NMNAT2: variants seen among roughly 807,000 people sequenced by gnomAD.
The protein encoded by NMNAT2 is nicotinamide nucleotide adenylyltransferase 2.
Under a neutral mutation model 41.6 loss-of-function variants are expected in NMNAT2, and 11 were observed. The ratio of observed to expected loss-of-function variants is 0.26; its 90% confidence interval spans 0.17 to 0.44. The LOEUF (loss-of-function observed/expected upper bound fraction) is 0.44. NMNAT2 is among the 20% of genes least tolerant of loss of function. The probability of loss-of-function intolerance (pLI) is 1.00; values close to 1 mark genes in which losing one functional copy is unlikely to be tolerated. For missense variants in NMNAT2, 288 were observed against 407.7 expected (o/e 0.71, Z 2.53); for synonymous variants, 148 against 151.2 (o/e 0.98, Z 0.16).
chr1:183,342,785 G>A (rs915104865), intron 1 of NMNAT2, among the ~76,000 whole-genome samples: 1 of 151,962 alleles, frequency 6.6e-6, no homozygotes, highest in Admixed American at 6.5e-5. Context: ...CCAGGCTGGA[G>A]TGCAGTGGGG....
At chr1:183,284,312 G>A (rs1571572689) in intron 6 of NMNAT2, among the ~76,000 whole-genome samples, 3 of 152,326 alleles carry the variant, frequency 2.0e-5, no homozygotes, top group South Asian at 4.1e-4. Context: ...ACACACACAC[G>A]CTCATGCTGA....
chr1:183,408,039 A>G (rs1649009034), intron 1 of NMNAT2, among the ~76,000 whole-genome samples: 1 of 152,230 alleles, frequency 6.6e-6, no homozygotes, highest in African/African-American at 2.4e-5. Flanking sequence ...TTGAAACTAC[A>G]TTTGCTGCTT....
At chr1:183,386,990 T>A (rs751505157) in intron 1 of NMNAT2, among the ~76,000 whole-genome samples, 12 of 152,032 alleles carry the variant, frequency 7.9e-5, no homozygotes, top group Non-Finnish European at 1.8e-4. Flanking sequence ...AAATTCAGTT[T>A]AATGACAACA....
chr1:183,410,194 G>A (rs998630831), intron 1 of NMNAT2, among the ~76,000 whole-genome samples: 11 of 151,524 alleles, frequency 7.3e-5, no homozygotes, highest in Non-Finnish European at 1.3e-4. Context: ...ATGATGGCGG[G>A]TGCCTGTAGT....
intron 1 of NMNAT2, among the ~76,000 whole-genome samples, chr1:183,346,323 CTT>C (rs1243884287): frequency 3.3e-5 from 5 of 152,208 alleles, no homozygotes; most frequent in Non-Finnish European, 7.3e-5. Flanking sequence ...CTTCCAGCCT[CTT>C]GCTCTTCGAT....
At chr1:183,277,887 G>C (rs12404011) in intron 8 of NMNAT2, among the ~76,000 whole-genome samples, 15,439 of 152,178 alleles carry the variant, frequency 0.1, 897 homozygotes, top group East Asian at 0.2. Context: ...AATGTGCATA[G>C]AGCTATGGGG....
At chr1:183,333,724 G>A (rs781426484) in intron 1 of NMNAT2, among the ~76,000 whole-genome samples, 1 of 151,240 alleles carries the variant, frequency 6.6e-6, no homozygotes, top group African/African-American at 2.5e-5. Context: ...AATAGGAAAC[G>A]AATACACTTT....
At chr1:183,266,599 C>G (rs1660822386) in intron 8 of NMNAT2, 1 of 154,998 alleles carries the variant, frequency 6.5e-6, no homozygotes, top group African/African-American at 2.4e-5. Flanking sequence ...AAAACACCAG[C>G]TATATGTTCC....
intron 1 of NMNAT2, among the ~76,000 whole-genome samples, chr1:183,329,398 T>C (rs1662533694): frequency 6.6e-6 from 1 of 152,188 alleles, no homozygotes; most frequent in Non-Finnish European, 1.5e-5. Context: ...TTAGGTAAAA[T>C]GGTCCATTTT....
chr1:183,401,902 T>A (rs1253366217), intron 1 of NMNAT2, among the ~76,000 whole-genome samples: 1 of 111,072 alleles, frequency 9.0e-6, no homozygotes, highest in Admixed American at 1.3e-4. Flanking sequence ...ACATCACACA[T>A]GACATGGGGG....
intron 7 of NMNAT2, among the ~76,000 whole-genome samples, chr1:183,281,696 G>A (rs1372795936): frequency 1.3e-5 from 2 of 152,214 alleles, no homozygotes; most frequent in African/African-American, 4.8e-5. Flanking sequence ...ATGAGGCTAA[G>A]GCAAGTTTCC....
At chr1:183,339,594 C>T (rs1033048637) in intron 1 of NMNAT2, among the ~76,000 whole-genome samples, 13 of 151,746 alleles carry the variant, frequency 8.6e-5, no homozygotes, top group East Asian at 8.1e-4. Context: ...CCAGTGTCCT[C>T]GTTTAAAGTT....
intron 1 of NMNAT2, among the ~76,000 whole-genome samples, chr1:183,409,569 G>T (rs1484752942): frequency 6.6e-6 from 1 of 152,000 alleles, no homozygotes; most frequent in Non-Finnish European, 1.5e-5. Flanking sequence ...CTCCCACCTC[G>T]GCCTCCCAAA....
chr1:183,410,205 C>G (rs1173946129), intron 1 of NMNAT2, among the ~76,000 whole-genome samples: 3 of 151,340 alleles, frequency 2.0e-5, no homozygotes, highest in African/African-American at 7.3e-5. Flanking sequence ...TGCCTGTAGT[C>G]CCAGCTACTC....
chr1:183,252,561 G>A lies in NMNAT2; in HGVS notation c.*80C>T. 9.8e-7 allele frequency: 1 copy of A among 1,015,240 alleles called. No individual in the cohort carries two copies. The highest frequency in any genetic ancestry group is 2.4e-5 in the East Asian group (1 of 42,178). The allele number at this position is 1,015,240 out of a possible 1,614,324, so 62.9% of individuals were successfully genotyped here. On this transcript the variant is annotated 3_prime_UTR_variant, in exon 11 of 11. Coordinates refer to ENST00000287713, the MANE Select transcript of NMNAT2 (RefSeq NM_015039.4). ...GGGAAAACAGTCAAGACGAGGAGAT[G>A]GAGAAACAGAGAGGCAGGAGAGAAA... is the stretch of plus-strand genomic sequence containing the variant.
intron 1 of NMNAT2, among the ~76,000 whole-genome samples, chr1:183,313,776 G>A (rs1355035054): frequency 6.6e-6 from 1 of 152,246 alleles, no homozygotes; most frequent in Non-Finnish European, 1.5e-5. Context: ...GTGAGCCGCT[G>A]CGCCCAGCCA....
intron 1 of NMNAT2, among the ~76,000 whole-genome samples, chr1:183,294,059 T>C (rs1365506369): frequency 6.6e-6 from 1 of 152,148 alleles, no homozygotes; most frequent in African/African-American, 2.4e-5. Context: ...CCAGTGTAGC[T>C]CAGAAGGATT....
chr1:183,395,097 C>G (rs1346495099), intron 1 of NMNAT2, among the ~76,000 whole-genome samples: 2 of 152,150 alleles, frequency 1.3e-5, no homozygotes, highest in East Asian at 3.9e-4. Context: ...ACACTGGCAA[C>G]AACTGATAAT....
intron 1 of NMNAT2, among the ~76,000 whole-genome samples, chr1:183,376,769 A>G (rs180925628): frequency 6.6e-6 from 1 of 152,356 alleles, no homozygotes; most frequent in African/African-American, 2.4e-5. Context: ...CCTGTTTTCC[A>G]TTAAATATCA....
Sources: gnomAD v4.1 joint callset for allele counts (sites outside exome capture counted in the v4.1 genomes callset) on GRCh38, gnomAD v4.1.1 for gene constraint, MANE v1.5 for transcripts, NCBI Gene and HGNC (gene_info 2026-07-23, HGNC 2026-07-21) for gene names.